The following HYDIN variants were observed in gnomAD, a reference collection of about 807,000 sequenced individuals.
The protein encoded by HYDIN is axonemal central pair apparatus protein HYDIN.
A neutral mutation model predicts 403.9 loss-of-function variants in HYDIN; 132 were observed. The ratio of observed to expected loss-of-function variants is 0.33; its 90% CI spans 0.28 to 0.38. The LOEUF is 0.38. HYDIN is among the 10% of genes least tolerant of loss of function. HYDIN has a pLI of 1.00. For synonymous variants in HYDIN, 1,202 were observed against 1,891.7 expected (o/e 0.64, Z 9.46); for missense variants, 2,827 against 5,009.5 (o/e 0.56, Z 13.15).
At chr16:70,999,220 GA>G (rs1009333818) in intron 23 of HYDIN, among the ~76,000 whole-genome samples, 2 of 152,164 alleles carry the variant, frequency 1.3e-5, no homozygotes, top group Admixed American at 6.5e-5. Context: ...ACTGAAGCCT[GA>G]ATCCCAACCA....
At chr16:71,200,048 T>C (rs2087912372) in intron 1 of HYDIN, among the ~76,000 whole-genome samples, 1 of 152,158 alleles carries the variant, frequency 6.6e-6, no homozygotes, top group Non-Finnish European at 1.5e-5. Context: ...AAAACCAAGA[T>C]GGCCACGAGA....
intron 3 of HYDIN, among the ~76,000 whole-genome samples, chr16:71,182,195 G>A (rs954216790): frequency 1.3e-5 from 2 of 152,110 alleles, no homozygotes; most frequent in Admixed American, 1.3e-4. Context: ...AGGACTAGAT[G>A]GTACAGGACC....
intron 5 of HYDIN, among the ~76,000 whole-genome samples, chr16:71,163,818 A>G (rs1017249238): frequency 2.0e-5 from 3 of 152,254 alleles, no homozygotes; most frequent in African/African-American, 4.8e-5. Context: ...GTGAGCAATA[A>G]TAAGTGCTTA....
At chr16:71,177,445 CCCTTT>C (rs751412877) in intron 4 of HYDIN, among the ~76,000 whole-genome samples, 120 of 152,284 alleles carry the variant, frequency 7.9e-4, no homozygotes, top group Non-Finnish European at 1.1e-3. Context: ...TCTTTTCCTT[CCCTTT>C]CATTTCTGAC....
At chr16:71,029,433 G>GT (rs2144150189) in intron 19 of HYDIN, among the ~76,000 whole-genome samples, 1 of 88,300 alleles carries the variant, frequency 1.1e-5, no homozygotes, top group Admixed American at 1.4e-4. Flanking sequence ...ATAGAAAACT[G>GT]TTAGCTAACC....
chr16:70,862,121 C>T lies in HYDIN; in HGVS notation c.11704G>A (p.Gly3902Arg). 1 of 1,612,228 alleles carries T rather than the reference C, an allele frequency of 6.2e-7. No individual in the cohort carries two copies. Among genetic ancestry groups the T allele is most frequent in the Non-Finnish European group, 8.5e-7 (1 of 1,179,272 alleles). The change falls in exon 69 of 86, where the codon GGG (glycine) becomes AGG (arginine). Residue 3902 changes from glycine (G) to arginine (R), a missense_variant. By Grantham distance (125) the Gly-to-Arg change is moderately radical. Coordinates refer to ENST00000393567, the MANE Select transcript of HYDIN (RefSeq NM_001270974.2). Reference sequence around the variant, plus strand: ...TTTACTTTGAACTTCTGAATCTTCCCCACCGGCACGATTCCCGAAGAGGGC... The same window carrying T: ...TTTACTTTGAACTTCTGAATCTTCCTCACCGGCACGATTCCCGAAGAGGGC... The part of the protein sequence containing the change: ...VEPSSGIVPV[G>R]KIQKFKVKFS...
chr16:71,221,135 T>C (rs575566074), intron 1 of HYDIN, among the ~76,000 whole-genome samples: 1 of 152,130 alleles, frequency 6.6e-6, no homozygotes, highest in Non-Finnish European at 1.5e-5. Flanking sequence ...GACTGATAGT[T>C]GACTCCACTC....
At chr16:71,166,146 C>T (rs2017666) in intron 5 of HYDIN, among the ~76,000 whole-genome samples, 49,373 of 86,658 alleles carry the variant, frequency 0.57, 16,106 homozygotes, top group African/African-American at 0.86. Context: ...GTACTTAGCC[C>T]AGCATTTAGC....
intron 10 of HYDIN, among the ~76,000 whole-genome samples, chr16:71,101,593 A>C (rs1490207604): frequency 6.6e-6 from 1 of 151,430 alleles, no homozygotes; most frequent in Non-Finnish European, 1.5e-5. Context: ...TATTTTCATT[A>C]ACATAATGAA....
At chr16:70,941,126 CT>C (rs1416131134) in intron 43 of HYDIN, among the ~76,000 whole-genome samples, 1 of 149,474 alleles carries the variant, frequency 6.7e-6, no homozygotes, top group African/African-American at 2.5e-5. Flanking sequence ...GGTTCTCCTA[CT>C]AATTGGCAAT....
At chr16:70,920,380 A>T (rs2076956877) in intron 46 of HYDIN, among the ~76,000 whole-genome samples, 1 of 148,728 alleles carries the variant, frequency 6.7e-6, no homozygotes, top group African/African-American at 2.5e-5. Context: ...GGTTGGATGG[A>T]CTAATCTAGA....
At chr16:71,170,899 T>C (rs1405955701) in intron 5 of HYDIN, among the ~76,000 whole-genome samples, 1 of 152,172 alleles carries the variant, frequency 6.6e-6, no homozygotes, top group African/African-American at 2.4e-5. Flanking sequence ...GGTCATGCGC[T>C]GAGATTTGAA....
Position 70,804,930 on chromosome 16 carries a change from T to C in HYDIN, c.*2650A>G, listed in dbSNP as rs2035043660. Among the ~76,000 whole-genome samples the C allele has an allele frequency of 6.6e-6, 1 of 152,272 alleles. No homozygotes were observed. Among genetic ancestry groups the C allele is most frequent in the South Asian group, 2.1e-4 (1 of 4,836 alleles). On this transcript the variant is annotated 3_prime_UTR_variant, in exon 86 of 86. Coordinates refer to ENST00000393567, the MANE Select transcript of HYDIN (RefSeq NM_001270974.2). ...TGCCCCTAGCCACCCCAAGGCTGGC[T>C]ATAAGCCATGCTGGGGCTGGTGGCA...
Position 70,811,478 on chromosome 16 carries a change from A to G in HYDIN, c.14659-1471T>C, listed in dbSNP as rs1323092843. ...AAAAGAAAAATATCAGAATAAAAAG[A>G]GGATATCGCTGAAGTTATAGTTGTT... On this transcript the variant is annotated intron_variant, in intron 84 of 85. Transcript: ENST00000393567. The G allele has an allele frequency of 2.6e-5, 4 of 152,330 alleles. No homozygotes were observed. The East Asian group carries it at 7.7e-4, about 29-fold the overall frequency. 9.4% of individuals were successfully genotyped at this position (152,330 alleles called of 1,614,324 possible). A position where few individuals can be genotyped will look rare whatever the true frequency, so the allele number is the denominator to read the frequency against.
At chr16:71,133,602 C>T (rs1384471344) in intron 8 of HYDIN, among the ~76,000 whole-genome samples, 2 of 152,162 alleles carry the variant, frequency 1.3e-5, no homozygotes, top group Non-Finnish European at 2.9e-5. Flanking sequence ...AGCTCTTGTA[C>T]AGAGCAAATC....
chr16:71,165,135 A>G (rs2086161950), intron 5 of HYDIN, among the ~76,000 whole-genome samples: 1 of 150,950 alleles, frequency 6.6e-6, no homozygotes, highest in Admixed American at 6.6e-5. Flanking sequence ...TAAAAATGTA[A>G]GTCAGCTCAG....
chr16:70,908,046 C>T (rs1461324456), intron 49 of HYDIN, among the ~76,000 whole-genome samples: 4 of 152,288 alleles, frequency 2.6e-5, no homozygotes, highest in Non-Finnish European at 5.9e-5. Context: ...TGATCATTCT[C>T]TTTATTGCAG....
At chr16:70,850,865 C>G (rs1424336298) in intron 73 of HYDIN, among the ~76,000 whole-genome samples, 1 of 152,022 alleles carries the variant, frequency 6.6e-6, no homozygotes, top group African/African-American at 2.4e-5. Flanking sequence ...GATAGAGATC[C>G]TAGAAATAAA....
intron 5 of HYDIN, among the ~76,000 whole-genome samples, chr16:71,169,399 C>G (rs1395962474): frequency 6.6e-6 from 1 of 152,054 alleles, no homozygotes; most frequent in East Asian, 1.9e-4. Context: ...CCCCACAGCA[C>G]TCCAGCCTGG....
Sources: gnomAD v4.1 joint callset for allele counts (sites outside exome capture counted in the v4.1 genomes callset) on GRCh38, gnomAD v4.1.1 for gene constraint, MANE v1.5 for transcripts, NCBI Gene and HGNC (gene_info 2026-07-23, HGNC 2026-07-21) for gene names.